Variants in HSD17B6 observed in about 807,000 individuals in gnomAD.
HSD17B6 encodes hydroxysteroid 17-beta dehydrogenase 6.
A neutral mutation model predicts 26.4 loss-of-function variants in HSD17B6; 16 were observed. That is an observed-to-expected ratio of 0.61 (90% CI 0.41 to 0.92). The LOEUF is 0.92. HSD17B6 is among the 40% of genes least tolerant of loss of function. The pLI, the probability that HSD17B6 is intolerant of heterozygous loss-of-function variation, is 0.00. For synonymous variants in HSD17B6, 139 were observed against 153.0 expected, an observed-to-expected ratio of 0.91 and a Z score of 0.68; for missense variants, 357 against 386.1, an observed-to-expected ratio of 0.92 and a Z score of 0.63.
chr12:56,771,856 C>A (rs552166495), intron 1 of HSD17B6, among the ~76,000 whole-genome samples: 37 of 152,120 alleles, frequency 2.4e-4, no homozygotes, highest in African/African-American at 8.9e-4. Context: ...TAGGGAGGAA[C>A]CTGGTGGGAG....
chr12:56,768,213 C>T (rs771455352), intron 1 of HSD17B6, among the ~76,000 whole-genome samples: 2 of 151,948 alleles, frequency 1.3e-5, no homozygotes, highest in Non-Finnish European at 2.9e-5. Context: ...AAAGAATGTG[C>T]TAAATATTGC....
intron 3 of HSD17B6, among the ~76,000 whole-genome samples, chr12:56,783,387 G>A (rs1373686534): frequency 4.8e-5 from 6 of 123,726 alleles, no homozygotes; most frequent in South Asian, 2.6e-4. Context: ...CCTCCCTCCC[G>A]GACGGGGCGG....
At chr12:56,785,916 G>A in intron 4 of HSD17B6, 1 of 983,344 alleles carries the variant, frequency 1.0e-6, no homozygotes. Flanking sequence ...TAGGAGCTTT[G>A]TGGGAGTGGG....
intron 1 of HSD17B6, among the ~76,000 whole-genome samples, chr12:56,771,447 AATT>A (rs947184004): frequency 2.2e-5 from 3 of 133,972 alleles, no homozygotes; most frequent in Non-Finnish European, 4.7e-5. Context: ...CAAGGGTTGC[AATT>A]TTTTTTTTTT....
In HSD17B6 at chr12:56,782,267, A is replaced by G. The variant is rs527535183; in HGVS notation, c.572+35A>G. On this transcript the variant is annotated intron_variant, in intron 3 of 4. Coordinates refer to ENST00000322165, the MANE Select transcript of HSD17B6 (RefSeq NM_003725.4). ...GTTAAAACAAAAACAGCTATTGAGC[A>G]CTGAAATATGTCTTAGGCATTGTGC... The G allele has an allele frequency of 5.0e-6, 8 of 1,602,818 alleles. No individual in the cohort carries two copies. The South Asian group carries it at 5.6e-5, about 11-fold the overall frequency.
In HSD17B6 at chr12:56,774,028, C is replaced by T. The variant is rs752559848; in HGVS notation, c.176C>T (p.Ala59Val). Residue 59 changes from alanine (A) to valine (V), a missense_variant, in exon 2 of 5, where the codon GCG becomes GTG. Ala to Val is a moderately conservative substitution (Grantham distance 64). Transcript: ENST00000322165. ...GCACGAGGCTTGAGAGTGCTGGCTG[C>T]GTGTCTGACGGAGAAGGGGGCCGAG... The part of the protein sequence containing the change: ...LDARGLRVLA[A>V]CLTEKGAEQL... 1.1e-5 allele frequency: 18 copies of T among 1,613,920 alleles called. No homozygotes were observed. Among genetic ancestry groups the T allele is most frequent in the East Asian group, 2.2e-5 (1 of 44,880 alleles).
At chr12:56,763,847 C>T (rs1413095445) in intron 1 of HSD17B6, among the ~76,000 whole-genome samples, 1 of 151,558 alleles carries the variant, frequency 6.6e-6, no homozygotes, top group Non-Finnish European at 1.5e-5. Flanking sequence ...GAGTGAGGAT[C>T]CCTTGAACTC....
chr12:56,782,105 C>T lies in HSD17B6; in HGVS notation c.445C>T (p.Leu149Phe). ...TGTGATCCAGGTGACCTTGAGCATG[C>T]TTCCTTTGGTGAGGAGAGCACGGGG... The part of the protein sequence containing the change: ...IGVIQVTLSM[L>F]PLVRRARGRI... The change falls in exon 3 of 5, where the codon CTT becomes TTT. Residue 149 changes from leucine to phenylalanine, a missense_variant. By Grantham distance (22) the Leu-to-Phe change is conservative. Coordinates refer to ENST00000322165, the MANE Select transcript of HSD17B6 (RefSeq NM_003725.4). 6.2e-7 allele frequency: 1 copy of T among 1,614,204 alleles called. No individual in the cohort carries two copies. Among genetic ancestry groups the T allele is most frequent in the Non-Finnish European group, 8.5e-7 (1 of 1,180,038 alleles).
At chr12:56,785,731 A>G (rs1347477461) in intron 4 of HSD17B6, among the ~76,000 whole-genome samples, 2 of 147,106 alleles carry the variant, frequency 1.4e-5, no homozygotes, top group African/African-American at 2.6e-5. Context: ...CTGCTCAACT[A>G]AAGTGCAGTC....
intron 1 of HSD17B6, among the ~76,000 whole-genome samples, chr12:56,765,620 C>G (rs924297144): frequency 4.6e-5 from 7 of 151,756 alleles, no homozygotes; most frequent in Admixed American, 1.3e-4. Flanking sequence ...CCCCTCCCCC[C>G]ACCGTGTCAG....
In HSD17B6 at chr12:56,787,396, T is replaced by C. The variant is rs1954903277; in HGVS notation, c.*54T>C. On this transcript the variant is annotated 3_prime_UTR_variant, in exon 5 of 5. Coordinates refer to ENST00000322165, the MANE Select transcript of HSD17B6 (RefSeq NM_003725.4). ...GAAGGCAAAAATCTGAAATTGTTAG[T>C]GTCTCAGTAATCCTGATTTAGAACC... 1 of 1,190,566 alleles carries C rather than the reference T, an allele frequency of 8.4e-7. No individual in the cohort carries two copies. The highest frequency in any genetic ancestry group is 1.2e-6 in the Non-Finnish European group (1 of 816,790). 73.8% of individuals were successfully genotyped at this position (1,190,566 alleles called of 1,614,324 possible). A position where few individuals can be genotyped will look rare whatever the true frequency, so the allele number is the denominator to read the frequency against.
chr12:56,785,153 G>A, intron 4 of HSD17B6, 137 bp downstream of exon 4: 1 of 890,910 alleles, frequency 1.1e-6, no homozygotes, highest in Middle Eastern at 3.5e-4. Context: ...CATGGCTGGG[G>A]AGTCCTCAGG....
intron 2 of HSD17B6, among the ~76,000 whole-genome samples, chr12:56,778,665 A>C (rs1189305720): frequency 6.9e-6 from 1 of 144,298 alleles, no homozygotes; most frequent in Non-Finnish European, 1.5e-5. Context: ...TTTACCTTGG[A>C]GTCTTTTTCT....
In HSD17B6 at chr12:56,773,989, C is replaced by T. The variant is rs1437322824; in HGVS notation, c.137C>T (p.Ala46Val). The T allele has an allele frequency of 3.7e-6, 6 of 1,613,946 alleles. No individual in the cohort carries two copies. The African/African-American group carries it at 6.7e-5, about 18-fold the overall frequency. Reference protein sequence around the residue: ...GCDSGFGNLLARQLDARGLRV... With the variant: ...GCDSGFGNLLVRQLDARGLRV... ...GACTCGGGCTTTGGGAACCTGCTGGCCAGACAGCTGGATGCACGAGGCTTG... is the reference window on the plus strand; with the variant it reads ...GACTCGGGCTTTGGGAACCTGCTGGTCAGACAGCTGGATGCACGAGGCTTG... Residue 46 changes from alanine (A) to valine (V), a missense_variant, in exon 2 of 5, where the codon GCC becomes GTC. By Grantham distance (64) the Ala-to-Val change is moderately conservative (BLOSUM62 0). Coordinates refer to ENST00000322165, the MANE Select transcript of HSD17B6 (RefSeq NM_003725.4).
chr12:56,777,035 A>G (rs1249407797), intron 2 of HSD17B6, among the ~76,000 whole-genome samples: 1 of 152,152 alleles, frequency 6.6e-6, no homozygotes, highest in Non-Finnish European at 1.5e-5. Context: ...AGATTCTGGT[A>G]ATTGGATCTC....
At position 56,773,905 on chromosome 12, in the gene HSD17B6, A is replaced by G; in HGVS notation, c.53A>G (p.Tyr18Cys). 6.2e-7 allele frequency: 1 copy of G among 1,612,004 alleles called. No homozygotes were observed. The highest frequency in any genetic ancestry group is 8.5e-7 in the Non-Finnish European group (1 of 1,178,702). ...GGCCTGTACTACCTTCTGCACTGGT[A>G]CCGGGAGAGGCAGGTGGTGAGCCAC... The part of the protein sequence containing the change: ...FVGLYYLLHW[Y>C]RERQVVSHLQ... Residue 18 changes from tyrosine to cysteine, a missense_variant, in exon 2 of 5, where the codon TAC becomes TGC. Tyr to Cys is a radical substitution (Grantham distance 194). Coordinates refer to ENST00000322165, the MANE Select transcript of HSD17B6 (RefSeq NM_003725.4).
chr12:56,777,510 GCC>G (rs1954619897), intron 2 of HSD17B6, among the ~76,000 whole-genome samples: 1 of 151,704 alleles, frequency 6.6e-6, no homozygotes, highest in Admixed American at 6.6e-5. Context: ...GATTACAGGC[GCC>G]CGCCACCATA....
chr12:56,776,459 A>G (rs1239000009), intron 2 of HSD17B6, among the ~76,000 whole-genome samples: 2 of 151,090 alleles, frequency 1.3e-5, no homozygotes, highest in African/African-American at 4.9e-5. Flanking sequence ...ACACACCACC[A>G]TGCCTGGCTA....
intron 2 of HSD17B6, among the ~76,000 whole-genome samples, chr12:56,778,105 T>A (rs1205950095): frequency 6.6e-6 from 1 of 152,226 alleles, no homozygotes; most frequent in Non-Finnish European, 1.5e-5. Context: ...AAATGCTGAA[T>A]GAATCCTCTA....
Sources: allele counts gnomAD v4.1 joint callset (sites outside exome capture counted in the v4.1 genomes callset), GRCh38; gene constraint gnomAD v4.1.1; transcripts MANE v1.5; gene names NCBI Gene and HGNC (gene_info 2026-07-23, HGNC 2026-07-21).